The following B3GALT1 variants were observed in gnomAD, a reference collection of about 807,000 sequenced individuals.
The protein encoded by B3GALT1 is UDP-Gal:betaGlcNAc beta 1,3-galactosyltransferase, polypeptide 1.
In B3GALT1, 10 loss-of-function variants were observed where a neutral mutation model predicts 23.2. The observed-to-expected ratio is 0.43, with a 90% CI of 0.27 to 0.73. The LOEUF (loss-of-function observed/expected upper bound fraction) is 0.73. Ranked by LOEUF, B3GALT1 falls within the 30% of genes least tolerant of loss-of-function variation. The pLI, the probability that B3GALT1 is intolerant of heterozygous loss-of-function variation, is 0.21. For missense variants in B3GALT1, 299 were observed against 405.4 expected, an observed-to-expected ratio of 0.74 and a Z score of 2.25; for synonymous variants, 156 against 141.5, an observed-to-expected ratio of 1.10 and a Z score of -0.73.
chr2:167,593,907 G>A (rs1193398420), intron 2 of B3GALT1, among the ~76,000 whole-genome samples: 1 of 152,156 alleles, frequency 6.6e-6, no homozygotes, highest in Non-Finnish European at 1.5e-5. Context: ...CTTACCAGGA[G>A]GAGATAGGCC....
chr2:167,656,788 G>A (rs948523912), intron 3 of B3GALT1, among the ~76,000 whole-genome samples: 5 of 152,094 alleles, frequency 3.3e-5, no homozygotes, highest in African/African-American at 1.2e-4. Context: ...ATAAATACTC[G>A]ATTTTGGCAC....
intron 1 of B3GALT1, among the ~76,000 whole-genome samples, chr2:167,353,982 G>A (rs1697360998): frequency 6.6e-6 from 1 of 152,062 alleles, no homozygotes; most frequent in Non-Finnish European, 1.5e-5. Flanking sequence ...AATGTACAAT[G>A]TATGGATACT....
At chr2:167,298,163 C>G (rs34802912) in intron 1 of B3GALT1, among the ~76,000 whole-genome samples, 9,535 of 152,146 alleles carry the variant, frequency 0.063, 366 homozygotes, top group Middle Eastern at 0.17. Flanking sequence ...GAGAGCTAAG[C>G]AGAAATCAGG....
intron 2 of B3GALT1, among the ~76,000 whole-genome samples, chr2:167,496,460 G>T (rs1318716380): frequency 1.3e-5 from 2 of 152,126 alleles, no homozygotes; most frequent in Non-Finnish European, 1.5e-5. Flanking sequence ...GCTAATTACC[G>T]TGAGAAGAAA....
chr2:167,457,126 G>C (rs905419286), intron 1 of B3GALT1, among the ~76,000 whole-genome samples: 1 of 151,986 alleles, frequency 6.6e-6, no homozygotes, highest in Non-Finnish European at 1.5e-5. Flanking sequence ...GGGGACAAAG[G>C]CCCAATATAG....
intron 3 of B3GALT1, among the ~76,000 whole-genome samples, chr2:167,697,719 GA>G (rs912937433): frequency 2.6e-5 from 4 of 152,098 alleles, no homozygotes; most frequent in Non-Finnish European, 5.9e-5. Context: ...GTTTGAAAAG[GA>G]AAAAAAGTAT....
At chr2:167,867,130 T>TCTG (rs1690242786) in intron 4 of B3GALT1, among the ~76,000 whole-genome samples, 1 of 152,080 alleles carries the variant, frequency 6.6e-6, no homozygotes, top group Non-Finnish European at 1.5e-5. Context: ...GTTTCACCGT[T>TCTG]TTAGCCAGGA....
chr2:167,740,945 G>A (rs1687568785), intron 3 of B3GALT1, among the ~76,000 whole-genome samples: 1 of 152,178 alleles, frequency 6.6e-6, no homozygotes, highest in Non-Finnish European at 1.5e-5. Context: ...TCTGGGAGGA[G>A]CTCCCTCCTT....
At chr2:167,718,888 GAACT>G (rs1468780184) in intron 3 of B3GALT1, among the ~76,000 whole-genome samples, 1 of 152,154 alleles carries the variant, frequency 6.6e-6, no homozygotes, top group Non-Finnish European at 1.5e-5. Context: ...GGACAACAGA[GAACT>G]TCCTGTTTCT....
intron 3 of B3GALT1, among the ~76,000 whole-genome samples, chr2:167,681,849 T>C (rs1359226605): frequency 6.6e-6 from 1 of 152,214 alleles, no homozygotes; most frequent in East Asian, 1.9e-4. Context: ...CCTTTGTCAG[T>C]AGTGCAGGCT....
At chr2:167,778,383 TTCTA>T (rs1385949127) in intron 3 of B3GALT1, among the ~76,000 whole-genome samples, 6 of 152,164 alleles carry the variant, frequency 3.9e-5, no homozygotes, top group South Asian at 2.1e-4. Flanking sequence ...TCTTCTATTC[TTCTA>T]TCTTTTTTAA....
chr2:167,392,252 G>T (rs142359122), intron 1 of B3GALT1, among the ~76,000 whole-genome samples: 1 of 151,784 alleles, frequency 6.6e-6, no homozygotes, highest in Admixed American at 6.6e-5. Context: ...GTTTGCCCTC[G>T]ATGACAAAAT....
intron 2 of B3GALT1, among the ~76,000 whole-genome samples, chr2:167,605,043 C>G (rs142594331): frequency 4.6e-5 from 7 of 152,182 alleles, no homozygotes; most frequent in Non-Finnish European, 7.3e-5. Flanking sequence ...TTCTTCTAGA[C>G]GTCTTGTATT....
chr2:167,625,606 A>G (rs1301256561), intron 2 of B3GALT1, among the ~76,000 whole-genome samples: 3 of 151,770 alleles, frequency 2.0e-5, no homozygotes, highest in African/African-American at 7.2e-5. Flanking sequence ...AAAATCCGCT[A>G]ATATCCAATT....
chr2:167,517,396 T>G (rs1384935294), intron 2 of B3GALT1, among the ~76,000 whole-genome samples: 1 of 152,014 alleles, frequency 6.6e-6, no homozygotes, highest in Non-Finnish European at 1.5e-5. Context: ...CAAAGCAAAA[T>G]AGTTTTTAGT....
At chr2:167,701,736 T>C (rs901619923) in intron 3 of B3GALT1, among the ~76,000 whole-genome samples, 7 of 152,256 alleles carry the variant, frequency 4.6e-5, no homozygotes, top group African/African-American at 1.7e-4. Flanking sequence ...TATGGAAGGC[T>C]ATCTTTTTCT....
At chr2:167,819,681 A>G (rs1689065899) in intron 4 of B3GALT1, among the ~76,000 whole-genome samples, 1 of 152,220 alleles carries the variant, frequency 6.6e-6, no homozygotes, top group Non-Finnish European at 1.5e-5. Flanking sequence ...AATGCCAAGC[A>G]GAATCAGACC....
At chr2:167,294,236 T>C (rs1010083832) in intron 1 of B3GALT1, among the ~76,000 whole-genome samples, 1 of 152,184 alleles carries the variant, frequency 6.6e-6, no homozygotes, top group African/African-American at 2.4e-5. Flanking sequence ...GGTGCGCCTC[T>C]GGCAGCTGCC....
At chr2:167,810,090 G>GCA (rs1688853116) in intron 3 of B3GALT1, among the ~76,000 whole-genome samples, 6 of 145,028 alleles carry the variant, frequency 4.1e-5, no homozygotes, top group African/African-American at 1.7e-4. Context: ...AGCCACGCGT[G>GCA]GGATATAATC....
Sources: allele counts gnomAD v4.1 joint callset (sites outside exome capture counted in the v4.1 genomes callset), GRCh38; gene constraint gnomAD v4.1.1; transcripts MANE v1.5; gene names NCBI Gene and HGNC (gene_info 2026-07-23, HGNC 2026-07-21).